The following RAET1E variants were observed in gnomAD, a reference collection of about 807,000 sequenced individuals.
RAET1E encodes NKG2D ligand 4.
In RAET1E, 27 loss-of-function variants were observed where a neutral mutation model predicts 21.1. The observed-to-expected ratio is 1.28, with a 90% CI of 0.94 to 1.76. The LOEUF (loss-of-function observed/expected upper bound fraction) is 1.76. RAET1E is among the 40% of genes most tolerant of loss of function. RAET1E has a pLI of 0.00. For missense variants in RAET1E, 310 were observed against 311.3 expected (o/e 1.00, Z 0.03); for synonymous variants, 113 against 115.0 (o/e 0.98, Z 0.11).
At chr6:149,890,612 C>A (rs1777848540) in intron 3 of RAET1E, among the ~76,000 whole-genome samples, 1 of 152,236 alleles carries the variant, frequency 6.6e-6, no homozygotes, top group South Asian at 2.1e-4. Context: ...TGTAGAACTG[C>A]CCTCTGTGAG....
In RAET1E at chr6:149,884,808, A is replaced by G. The variant is rs1777537764; in HGVS notation, c.*3690T>C. Among the ~76,000 whole-genome samples, 1 of 152,204 alleles carries G rather than the reference A, an allele frequency of 6.6e-6. No homozygotes were observed. The highest frequency in any genetic ancestry group is 2.4e-5 in the African/African-American group (1 of 41,444). ...GAGTCTTCCAGCTGTGGGCAAGGGT[A>G]TCCCTGCGGCAGGTCCAGAGCACTG... On this transcript the variant is annotated 3_prime_UTR_variant, in exon 6 of 6. Coordinates refer to ENST00000357183, the MANE Select transcript of RAET1E (RefSeq NM_001394057.1).
chr6:149,889,736 T>C, intron 4 of RAET1E, 113 bp from the exon 5 acceptor site: 2 of 1,503,754 alleles, frequency 1.3e-6, no homozygotes, highest in Non-Finnish European at 1.8e-6. Context: ...CTGCCCAGAC[T>C]TGCCCTTTCC....
chr6:149,895,317 C>T (rs1292710822), intron 2 of RAET1E, among the ~76,000 whole-genome samples: 1 of 152,230 alleles, frequency 6.6e-6, no homozygotes, highest in Non-Finnish European at 1.5e-5. Flanking sequence ...CTCTTCAGAG[C>T]CATCAGGCGG....
chr6:149,892,208 T>G (rs1284441769), intron 2 of RAET1E, among the ~76,000 whole-genome samples: 1 of 152,250 alleles, frequency 6.6e-6, no homozygotes, highest in Non-Finnish European at 1.5e-5. Context: ...TTTATAATCC[T>G]TTGGGTATAT....
chr6:149,883,600 G>A lies in RAET1E; in HGVS notation c.*4898C>T, dbSNP rs1777488016. ...TAATCCCAGCTACTCAGGAGGCTGA[G>A]GCAGGGGAATCGCTTGAGCCTGGGA... On this transcript the variant is annotated 3_prime_UTR_variant, in exon 6 of 6. Coordinates refer to ENST00000357183, the MANE Select transcript of RAET1E (RefSeq NM_001394057.1). The A allele has an allele frequency of 1.3e-5, 2 of 152,550 alleles. No individual in the cohort carries two copies. Among genetic ancestry groups the A allele is most frequent in the South Asian group, 4.1e-4 (2 of 4,832 alleles). The allele number at this position is 152,550 out of a possible 1,614,324, so 9.4% of individuals were successfully genotyped here. A position where few individuals can be genotyped will look rare whatever the true frequency, so the allele number is the denominator to read the frequency against.
Position 149,884,416 on chromosome 6 carries a change from A to G in RAET1E, c.*4082T>C. 3 of 1,406,284 alleles carry G rather than the reference A, an allele frequency of 2.1e-6. No individual in the cohort carries two copies. Among genetic ancestry groups the G allele is most frequent in the Non-Finnish European group, 2.9e-6 (3 of 1,028,864 alleles). The allele number at this position is 1,406,284 out of a possible 1,614,324, so 87.1% of individuals were successfully genotyped here. Reference sequence around the variant, plus strand: ...CCTCCACTTGACTCAGGGAACACACAGCAGTGGGAGCCAAGGCTGTCAGCG... The same window carrying G: ...CCTCCACTTGACTCAGGGAACACACGGCAGTGGGAGCCAAGGCTGTCAGCG... On this transcript the variant is annotated 3_prime_UTR_variant, in exon 6 of 6. Coordinates refer to ENST00000357183, the MANE Select transcript of RAET1E (RefSeq NM_001394057.1).
In RAET1E at chr6:149,889,949, C is replaced by T; in HGVS notation, c.282G>A (p.Leu94=). Residue 94 remains leucine (L), a synonymous_variant, in exon 4 of 6, where the codon CTG becomes CTA. Transcript: ENST00000357183. The part of the protein sequence containing the change: ...TSTWGELTQT[L]GEVGRDLRML... ...TCCTGAGGTCTCGCCCCACTTCTCCCAGCGTTTGGGTCAATTCTCCCCAAG... is the reference window on the plus strand; with the variant it reads ...TCCTGAGGTCTCGCCCCACTTCTCCTAGCGTTTGGGTCAATTCTCCCCAAG... 6.2e-7 allele frequency: 1 copy of T among 1,614,152 alleles called. No homozygotes were observed. The highest frequency in any genetic ancestry group is 8.5e-7 in the Non-Finnish European group (1 of 1,180,028).
At chr6:149,888,692 A>AAAT in intron 5 of RAET1E, 25 bp from the exon 6 acceptor site, 1 of 1,468,476 alleles carries the variant, frequency 6.8e-7, no homozygotes, top group East Asian at 2.6e-5. Flanking sequence ...AAAAAGAAAA[A>AAAT]AAAGCACAAG....
chr6:149,888,780 A>C (rs1777740740), intron 5 of RAET1E, 113 bp from the exon 6 acceptor site: 1 of 1,421,246 alleles, frequency 7.0e-7, no homozygotes, highest in Non-Finnish European at 9.3e-7. Flanking sequence ...ATGGTGCCCC[A>C]CATAATCACT....
intron 1 of RAET1E, among the ~76,000 whole-genome samples, 181 bp downstream of exon 1, chr6:149,897,840 C>T (rs1267662119): frequency 6.6e-6 from 1 of 152,062 alleles, no homozygotes; most frequent in African/African-American, 2.4e-5. Context: ...CCCCGTCCTC[C>T]CTGCCTTATC....
rs756811360 is a variant in RAET1E, at chr6:149,890,849, A to G, written c.53T>C (p.Leu18Pro). The G allele has an allele frequency of 1.1e-5, 17 of 1,613,638 alleles. No homozygotes were observed. Among genetic ancestry groups the G allele is most frequent in the East Asian group, 2.2e-5 (1 of 44,882 alleles). ...SSPVRLLLFL[L>P]LLLIALEIMV... is the part of the protein sequence containing the mutation. ...GATCTCCAAGGCTATTAGTAGCAAC[A>G]GCAGAAACAAAAGAAGGCGCACAGG... Residue 18 changes from leucine to proline, a missense_variant, in exon 3 of 6, where the codon CTG (leucine) becomes CCG (proline). By Grantham distance (98) the Leu-to-Pro change is moderately conservative (BLOSUM62 -3). Coordinates refer to ENST00000357183, the MANE Select transcript of RAET1E (RefSeq NM_001394057.1).
intron 5 of RAET1E, 151 bp downstream of exon 5, chr6:149,889,197 G>A: frequency 2.8e-6 from 4 of 1,444,814 alleles, no homozygotes; most frequent in East Asian, 5.0e-5. Flanking sequence ...AGGATGGTGG[G>A]AAATCCTTAT....
rs138036612 is a variant in RAET1E, at chr6:149,896,559, A to G, written c.-320-527T>C. Among the ~76,000 whole-genome samples the G allele has an allele frequency of 3.5e-3, 539 of 152,210 alleles. 6 individuals carry two copies. The highest frequency in any genetic ancestry group is 0.011 in the African/African-American group (455 of 41,512). On this transcript the variant is annotated intron_variant, in intron 1 of 5. Transcript: ENST00000357183. ...ATCCAGGCCCTGAGAGTACACAGAGAGGAACTCACTGCTACCGCCCTGCCA... is the reference window on the plus strand; with the variant it reads ...ATCCAGGCCCTGAGAGTACACAGAGGGGAACTCACTGCTACCGCCCTGCCA...
chr6:149,890,204 C>T (rs1444546063), intron 3 of RAET1E, 59 bp from the exon 4 acceptor site: 22 of 1,588,002 alleles, frequency 1.4e-5, no homozygotes, highest in Middle Eastern at 3.3e-4. Context: ...TTAGAACCTG[C>T]GCTTCTGTGA....
At chr6:149,890,266 C>T in intron 3 of RAET1E, 121 bp from the exon 4 acceptor site, 1 of 1,018,490 alleles carries the variant, frequency 9.8e-7, no homozygotes, top group South Asian at 1.6e-5. Flanking sequence ...CAGCTCCATC[C>T]CAGACTCCCT....
chr6:149,888,300 C>G lies in RAET1E; in HGVS notation c.*198G>C. The G allele has an allele frequency of 1.3e-6, 1 of 743,918 alleles. No individual in the cohort carries two copies. Among genetic ancestry groups the G allele is most frequent in the Non-Finnish European group, 2.3e-6 (1 of 430,874 alleles). The allele number at this position is 743,918 out of a possible 1,614,324, so 46.1% of individuals were successfully genotyped here. On this transcript the variant is annotated 3_prime_UTR_variant, in exon 6 of 6. Coordinates refer to ENST00000357183, the MANE Select transcript of RAET1E (RefSeq NM_001394057.1). Reference sequence around the variant, plus strand: ...GAGACAACACCCCAGGCAGGCGTTCCAGATCTTTGACCTTGCCCCTCCTCG... The same window carrying G: ...GAGACAACACCCCAGGCAGGCGTTCGAGATCTTTGACCTTGCCCCTCCTCG...
chr6:149,887,870 C>T lies in RAET1E; in HGVS notation c.*628G>A, dbSNP rs1388303297. Among the ~76,000 whole-genome samples the T allele has an allele frequency of 6.6e-6, 1 of 152,150 alleles. No individual in the cohort carries two copies. The highest frequency in any genetic ancestry group is 1.5e-5 in the Non-Finnish European group (1 of 68,028). On this transcript the variant is annotated 3_prime_UTR_variant, in exon 6 of 6. Coordinates refer to ENST00000357183, the MANE Select transcript of RAET1E (RefSeq NM_001394057.1). ...TCAGAGCAGTGGCGGAGAAACAGGA[C>T]CAAAGAGCAGAAGATGTCTGGCAAT...
Position 149,884,536 on chromosome 6 carries a change from C to G in RAET1E, c.*3962G>C, listed in dbSNP as rs1015605119. 3 of 1,535,128 alleles carry G rather than the reference C, an allele frequency of 2.0e-6. No homozygotes were observed. The highest frequency in any genetic ancestry group is 2.7e-5 in the African/African-American group (2 of 73,002). ...GAAGGAGACAAAAGAGTGCAGAACC[C>G]TGGGTCAGATCAGCTCAGGATTGAC... On this transcript the variant is annotated 3_prime_UTR_variant, in exon 6 of 6. Coordinates refer to ENST00000357183, the MANE Select transcript of RAET1E (RefSeq NM_001394057.1).
chr6:149,896,712 C>A (rs762381051), intron 1 of RAET1E, among the ~76,000 whole-genome samples: 1 of 151,958 alleles, frequency 6.6e-6, no homozygotes, highest in Non-Finnish European at 1.5e-5. Flanking sequence ...GATATGACCA[C>A]TGAGTAGCTC....
Sources: allele counts gnomAD v4.1 joint callset (sites outside exome capture counted in the v4.1 genomes callset), GRCh38; gene constraint gnomAD v4.1.1; transcripts MANE v1.5; gene names NCBI Gene and HGNC (gene_info 2026-07-23, HGNC 2026-07-21).